The following THSD4 variants were observed in gnomAD, a reference collection of about 807,000 sequenced individuals.
THSD4 encodes thrombospondin type 1 domain containing 4, also known as thrombospondin type-1 domain-containing protein 4.
Under a neutral mutation model 119.0 loss-of-function variants are expected in THSD4, and 69 were observed. That is an observed-to-expected ratio of 0.58 (90% confidence interval 0.48 to 0.71). The LOEUF (loss-of-function observed/expected upper bound fraction) is 0.71, where lower values mean the gene tolerates loss of function less well. THSD4 is among the 30% of genes least tolerant of loss of function. The pLI is 0.00. For missense variants in THSD4, 1,393 were observed against 1,391.1 expected (o/e 1.00, Z -0.02); for synonymous variants, 524 against 540.4 (o/e 0.97, Z 0.42).
chr15:71,617,186 C>T (rs945310167), intron 7 of THSD4, among the ~76,000 whole-genome samples: 6 of 152,186 alleles, frequency 3.9e-5, no homozygotes, highest in South Asian at 2.1e-4. Context: ...CTCAAATTTC[C>T]TATCCTCCAG....
chr15:71,455,310 T>C (rs1299473237), intron 7 of THSD4, among the ~76,000 whole-genome samples: 3 of 152,158 alleles, frequency 2.0e-5, no homozygotes, highest in Non-Finnish European at 4.4e-5. Context: ...GGGTGTCAGG[T>C]TGCATGGAAG....
At chr15:71,577,040 A>G (rs977494399) in intron 7 of THSD4, among the ~76,000 whole-genome samples, 6 of 151,930 alleles carry the variant, frequency 3.9e-5, no homozygotes, top group African/African-American at 1.5e-4. Flanking sequence ...GTACTGGATT[A>G]TGCAGTATGA....
At chr15:71,640,676 A>G (rs949352597) in intron 7 of THSD4, among the ~76,000 whole-genome samples, 1 of 152,148 alleles carries the variant, frequency 6.6e-6, no homozygotes, top group African/African-American at 2.4e-5. Context: ...TCTTATTTTA[A>G]GTGTAAAAAT....
At chr15:71,634,803 T>C (rs1324468758) in intron 7 of THSD4, among the ~76,000 whole-genome samples, 2 of 152,348 alleles carry the variant, frequency 1.3e-5, no homozygotes, top group African/African-American at 4.8e-5. Flanking sequence ...CGCATACCTA[T>C]GTGGAGTCAC....
chr15:71,398,549 A>T (rs2046481997), intron 6 of THSD4, among the ~76,000 whole-genome samples: 1 of 152,166 alleles, frequency 6.6e-6, no homozygotes, highest in Non-Finnish European at 1.5e-5. Context: ...TGAATAAATG[A>T]CATAGCTTGG....
chr15:71,348,893 T>C (rs1222802932), intron 6 of THSD4, among the ~76,000 whole-genome samples: 1 of 152,250 alleles, frequency 6.6e-6, no homozygotes, highest in East Asian at 1.9e-4. Context: ...AGGGAAGCAG[T>C]GGTCTCATTT....
chr15:71,151,009 G>A (rs1007491012), intron 2 of THSD4, among the ~76,000 whole-genome samples: 3 of 152,140 alleles, frequency 2.0e-5, no homozygotes, highest in African/African-American at 7.2e-5. Context: ...ATTGGATAGA[G>A]AGAGAAATTT....
At chr15:71,680,916 A>ATT (rs771191395) in intron 8 of THSD4, among the ~76,000 whole-genome samples, 184 of 135,488 alleles carry the variant, frequency 1.4e-3, no homozygotes, top group African/African-American at 4.0e-3. Flanking sequence ...ATTACTAGTA[A>ATT]TTTTTTTTTT....
At chr15:71,369,778 G>A (rs977977533) in intron 6 of THSD4, among the ~76,000 whole-genome samples, 15 of 152,300 alleles carry the variant, frequency 9.8e-5, no homozygotes, top group Middle Eastern at 6.8e-3. Context: ...TTGGTATCGG[G>A]ATGATGCTGG....
intron 3 of THSD4, among the ~76,000 whole-genome samples, chr15:71,192,128 T>C (rs1470953849): frequency 1.3e-5 from 2 of 151,958 alleles, no homozygotes; most frequent in African/African-American, 4.8e-5. Flanking sequence ...AGTCTTGAAC[T>C]CCTTACCTTG....
intron 6 of THSD4, among the ~76,000 whole-genome samples, chr15:71,405,495 G>A: frequency 6.6e-6 from 1 of 152,276 alleles, no homozygotes; most frequent in East Asian, 1.9e-4. Context: ...AAAATCAATT[G>A]TCCATAAATG....
intron 6 of THSD4, among the ~76,000 whole-genome samples, chr15:71,390,524 T>G (rs1330114275): frequency 2.6e-5 from 4 of 152,232 alleles, no homozygotes; most frequent in Non-Finnish European, 5.9e-5. Context: ...GGATCTTGTA[T>G]CTCCCTATGT....
chr15:71,344,892 G>A (rs1045435180), intron 6 of THSD4, among the ~76,000 whole-genome samples: 24 of 152,042 alleles, frequency 1.6e-4, no homozygotes, highest in Admixed American at 7.9e-4. Flanking sequence ...GGTCCAGATC[G>A]TGAGATCTGC....
At chr15:71,112,003 C>G (rs1222618705), upstream of THSD4, 2 of 1,108,730 alleles carry the variant, frequency 1.8e-6, no homozygotes, top group Non-Finnish European at 2.5e-6. Context: ...CCATAAGTTT[C>G]CCCCCAAAGG....
At chr15:71,339,026 G>A (rs1253608065) in intron 6 of THSD4, among the ~76,000 whole-genome samples, 1 of 152,140 alleles carries the variant, frequency 6.6e-6, no homozygotes, top group Non-Finnish European at 1.5e-5. Context: ...ATCACACTGT[G>A]TCTTGCTCCA....
chr15:71,658,472 G>A (rs777363364), intron 7 of THSD4, among the ~76,000 whole-genome samples: 2 of 152,178 alleles, frequency 1.3e-5, no homozygotes, highest in Non-Finnish European at 2.9e-5. Context: ...GGCAATGGGT[G>A]TTGACCACCT....
chr15:71,772,736 CA>C (rs889254177), intron 17 of THSD4, among the ~76,000 whole-genome samples: 3 of 152,066 alleles, frequency 2.0e-5, no homozygotes, highest in African/African-American at 7.2e-5. Context: ...AATTCTGAAA[CA>C]GACTCCTTTA....
intron 7 of THSD4, among the ~76,000 whole-genome samples, chr15:71,587,787 T>TAAAAAAAAAAAAAAAAAAAAAAAAAAAA (rs1207231444): frequency 7.6e-5 from 8 of 105,558 alleles, no homozygotes; most frequent in East Asian, 2.3e-4. Context: ...AAAAAAAAAT[T>TAAAAAAAAAAAAAAAAAAAAAAAAAAAA]AAAAAAAAAA....
At chr15:71,623,039 G>A (rs1443242046) in intron 7 of THSD4, among the ~76,000 whole-genome samples, 1 of 152,060 alleles carries the variant, frequency 6.6e-6, no homozygotes, top group East Asian at 1.9e-4. Flanking sequence ...AGTTGATGGA[G>A]GTCTCGGTAA....
Sources: allele counts gnomAD v4.1 joint callset (sites outside exome capture counted in the v4.1 genomes callset), GRCh38; gene constraint gnomAD v4.1.1; transcripts MANE v1.5; gene names NCBI Gene and HGNC (gene_info 2026-07-23, HGNC 2026-07-21).